The following CFDP1 variants were observed in gnomAD, a reference collection of about 807,000 sequenced individuals.
CFDP1 encodes the protein chromatin remodeling protein CFDP1.
Under a neutral mutation model 40.1 loss-of-function variants are expected in CFDP1, and 31 were observed. The observed-to-expected ratio is 0.77, with a 90% CI of 0.58 to 1.04. The LOEUF (loss-of-function observed/expected upper bound fraction) is 1.04. Among genes scored for constraint, CFDP1 ranks in the 50% least tolerant of loss-of-function variants. CFDP1 has a pLI of 0.00. For synonymous variants in CFDP1, 167 were observed against 120.0 expected (o/e 1.39, Z -2.56); for missense variants, 423 against 343.4 (o/e 1.23, Z -1.83).
intron 5 of CFDP1, among the ~76,000 whole-genome samples, chr16:75,370,691 C>T (rs2078745343): frequency 1.3e-5 from 2 of 151,898 alleles, no homozygotes; most frequent in Admixed American, 1.3e-4. Context: ...GGCAAAACCC[C>T]GTCTCTACTA....
chr16:75,309,995 G>A (rs572014481), intron 5 of CFDP1, among the ~76,000 whole-genome samples: 1 of 152,116 alleles, frequency 6.6e-6, no homozygotes, highest in Non-Finnish European at 1.5e-5. Context: ...CCCACCTGTT[G>A]CAAGTCAAAG....
intron 5 of CFDP1, among the ~76,000 whole-genome samples, chr16:75,393,048 G>C (rs575361566): frequency 1.3e-5 from 2 of 152,326 alleles, no homozygotes; most frequent in Admixed American, 6.5e-5. Flanking sequence ...TACATGCTGA[G>C]AGCAGCATCT....
At chr16:75,349,798 G>A (rs939094749) in intron 5 of CFDP1, among the ~76,000 whole-genome samples, 1 of 145,170 alleles carries the variant, frequency 6.9e-6, no homozygotes, top group Non-Finnish European at 1.5e-5. Flanking sequence ...GGATTGCTTA[G>A]GATTTTCTCC....
intron 1 of CFDP1, among the ~76,000 whole-genome samples, chr16:75,430,127 T>C (rs1160013494): frequency 6.6e-6 from 1 of 152,038 alleles, no homozygotes; most frequent in East Asian, 1.9e-4. Context: ...GAAAGGAATG[T>C]CTGGGTTAAG....
intron 6 of CFDP1, among the ~76,000 whole-genome samples, chr16:75,294,600 A>G (rs558380574): frequency 2.0e-5 from 3 of 152,336 alleles, no homozygotes; most frequent in African/African-American, 4.8e-5. Flanking sequence ...TGAGGTTCAT[A>G]AAGTGCACAC....
At chr16:75,387,262 T>C (rs2078906233) in intron 5 of CFDP1, among the ~76,000 whole-genome samples, 1 of 151,630 alleles carries the variant, frequency 6.6e-6, no homozygotes, top group Non-Finnish European at 1.5e-5. Flanking sequence ...TGCCTCAGCC[T>C]CCGCAGTACC....
At chr16:75,352,007 C>CAAAAAAAA (rs3975153) in intron 5 of CFDP1, among the ~76,000 whole-genome samples, 50 of 86,746 alleles carry the variant, frequency 5.8e-4, no homozygotes, top group East Asian at 9.6e-4. Flanking sequence ...GACTCTGTCT[C>CAAAAAAAA]AAAAAAAAAA....
At chr16:75,344,350 G>T (rs2078547442) in intron 5 of CFDP1, among the ~76,000 whole-genome samples, 1 of 152,172 alleles carries the variant, frequency 6.6e-6, no homozygotes, top group Non-Finnish European at 1.5e-5. Flanking sequence ...TATGTTAGGT[G>T]TATTTCACCA....
intron 1 of CFDP1, among the ~76,000 whole-genome samples, chr16:75,415,760 C>T (rs762557090): frequency 6.6e-5 from 10 of 152,082 alleles, no homozygotes; most frequent in East Asian, 1.9e-4. Context: ...TACCATAATC[C>T]GTTTATTCAT....
chr16:75,308,841 A>G (rs2078275169), intron 5 of CFDP1, among the ~76,000 whole-genome samples: 1 of 152,144 alleles, frequency 6.6e-6, no homozygotes, highest in Non-Finnish European at 1.5e-5. Context: ...GAGAAACTTG[A>G]TTTTTTGATG....
chr16:75,397,164 T>A (rs2079001680), intron 4 of CFDP1, among the ~76,000 whole-genome samples: 1 of 151,712 alleles, frequency 6.6e-6, no homozygotes. Flanking sequence ...TCTGCCCGCC[T>A]TGGCCTCCCA....
At chr16:75,379,594 G>C (rs1332701226) in intron 5 of CFDP1, among the ~76,000 whole-genome samples, 2 of 152,150 alleles carry the variant, frequency 1.3e-5, no homozygotes, top group African/African-American at 4.8e-5. Context: ...ATTACCAGAG[G>C]TTAAGGAGGG....
intron 4 of CFDP1, among the ~76,000 whole-genome samples, chr16:75,410,679 C>T (rs377507468): frequency 2.0e-5 from 3 of 151,860 alleles, no homozygotes; most frequent in African/African-American, 7.2e-5. Flanking sequence ...GAGGCCGAGG[C>T]GGGCGGATCA....
At chr16:75,350,745 A>ATT (rs1474422681) in intron 5 of CFDP1, among the ~76,000 whole-genome samples, 5 of 152,198 alleles carry the variant, frequency 3.3e-5, no homozygotes, top group African/African-American at 1.2e-4. Context: ...AATACTTTGC[A>ATT]TCCGAAAACA....
chr16:75,433,143 G>T, intron 1 of CFDP1, 146 bp downstream of exon 1: 2 of 712,706 alleles, frequency 2.8e-6, no homozygotes, highest in Non-Finnish European at 4.6e-6. Flanking sequence ...GGCCGAGGAT[G>T]AGGGGCCTGA....
At position 75,293,876 on chromosome 16, in the gene CFDP1, T is replaced by C; in HGVS notation, c.*76A>G. ...CTGGGAAACAGATGATGAGAAACAC[T>C]GTAAAACATTTCACAGACGCACAAA... On this transcript the variant is annotated 3_prime_UTR_variant, in exon 7 of 7. Coordinates refer to ENST00000283882, the MANE Select transcript of CFDP1 (RefSeq NM_006324.3). 1.1e-5 allele frequency: 13 copies of C among 1,227,310 alleles called. No individual in the cohort carries two copies. Among genetic ancestry groups the C allele is most frequent in the South Asian group, 5.0e-5 (4 of 80,154 alleles). The allele number at this position is 1,227,310 out of a possible 1,614,324, so 76.0% of individuals were successfully genotyped here.
chr16:75,353,664 G>C (rs2078627454), intron 5 of CFDP1, among the ~76,000 whole-genome samples: 1 of 149,382 alleles, frequency 6.7e-6, no homozygotes, highest in South Asian at 2.1e-4. Context: ...CAGGAGAATG[G>C]CATGAACCCG....
intron 5 of CFDP1, among the ~76,000 whole-genome samples, chr16:75,319,446 G>C (rs1214863405): frequency 2.0e-5 from 3 of 152,172 alleles, no homozygotes; most frequent in Non-Finnish European, 4.4e-5. Flanking sequence ...TACATCTGGG[G>C]TTGGGGGGGA....
chr16:75,386,018 G>T (rs1201872361), intron 5 of CFDP1, among the ~76,000 whole-genome samples: 2 of 152,082 alleles, frequency 1.3e-5, no homozygotes, highest in African/African-American at 4.8e-5. Context: ...CAAGGGTATA[G>T]GAATACGGCA....
Sources: allele counts gnomAD v4.1 joint callset (sites outside exome capture counted in the v4.1 genomes callset), GRCh38; gene constraint gnomAD v4.1.1; transcripts MANE v1.5; gene names NCBI Gene and HGNC (gene_info 2026-07-23, HGNC 2026-07-21).